Variants in RAB3C observed in about 807,000 individuals in gnomAD.
RAB3C encodes ras-related protein Rab-3C.
RAB3C carries 17 observed loss-of-function variants against 26.4 expected under a neutral mutation model. The ratio of observed to expected loss-of-function variants is 0.64; its 90% CI spans 0.44 to 0.97. The LOEUF (loss-of-function observed/expected upper bound fraction) is 0.97, where lower values mean the gene tolerates loss of function less well. Among genes scored for constraint, RAB3C ranks in the 50% least tolerant of loss-of-function variants. The pLI is 0.00. For missense variants in RAB3C, 242 were observed against 281.9 expected (o/e 0.86, Z 1.01); for synonymous variants, 91 against 95.9 (o/e 0.95, Z 0.30).
At chr5:58,792,771 G>T (rs1347317312) in intron 3 of RAB3C, among the ~76,000 whole-genome samples, 1 of 150,936 alleles carries the variant, frequency 6.6e-6, no homozygotes, top group East Asian at 1.9e-4. Flanking sequence ...ACTGAACTTT[G>T]TGTGTGTGTG....
At chr5:58,692,775 C>T (rs1309081561) in intron 2 of RAB3C, among the ~76,000 whole-genome samples, 1 of 152,002 alleles carries the variant, frequency 6.6e-6, no homozygotes, top group Non-Finnish European at 1.5e-5. Context: ...GTTGTAAGTC[C>T]TTGGCACCTA....
intron 2 of RAB3C, among the ~76,000 whole-genome samples, chr5:58,719,952 A>G (rs1740707552): frequency 6.6e-6 from 1 of 151,890 alleles, no homozygotes; most frequent in Admixed American, 6.6e-5. Context: ...GGAAGACCTC[A>G]TTTAATTTGG....
chr5:58,641,279 C>T, intron 2 of RAB3C, among the ~76,000 whole-genome samples: 1 of 152,194 alleles, frequency 6.6e-6, no homozygotes, highest in Non-Finnish European at 1.5e-5. Context: ...GCTGTTTTCA[C>T]TGTGTACCGT....
chr5:58,706,213 TTGAGAAC>T (rs1372445677), intron 2 of RAB3C, among the ~76,000 whole-genome samples: 1 of 152,152 alleles, frequency 6.6e-6, no homozygotes, highest in Non-Finnish European at 1.5e-5. Context: ...ATCCCACTAA[TTGAGAAC>T]TGAGATCCAT....
chr5:58,677,049 A>G (rs1024710537), intron 2 of RAB3C, among the ~76,000 whole-genome samples: 1 of 152,148 alleles, frequency 6.6e-6, no homozygotes, highest in Admixed American at 6.5e-5. Context: ...TTAAGCCTCT[A>G]GGGAAGGATC....
At chr5:58,680,559 T>G (rs1748324317) in intron 2 of RAB3C, among the ~76,000 whole-genome samples, 2 of 152,234 alleles carry the variant, frequency 1.3e-5, no homozygotes, top group Admixed American at 1.3e-4. Flanking sequence ...ATCTTATAGT[T>G]CTGAAGTTAG....
chr5:58,738,195 C>T (rs1741194526), intron 3 of RAB3C, among the ~76,000 whole-genome samples: 1 of 152,090 alleles, frequency 6.6e-6, no homozygotes, highest in African/African-American at 2.4e-5. Context: ...CTCATACCTT[C>T]ATTTGCTGCA....
chr5:58,790,013 C>G (rs1432824203), intron 3 of RAB3C, among the ~76,000 whole-genome samples: 1 of 152,168 alleles, frequency 6.6e-6, no homozygotes, highest in Non-Finnish European at 1.5e-5. Context: ...TAAAAGCTCC[C>G]CAGGTGATCC....
At chr5:58,678,383 C>T (rs1748273188) in intron 2 of RAB3C, among the ~76,000 whole-genome samples, 1 of 152,006 alleles carries the variant, frequency 6.6e-6, no homozygotes, top group African/African-American at 2.4e-5. Flanking sequence ...AGAGTGATTA[C>T]AGATAGTAAT....
At chr5:58,590,883 AT>A in intron 1 of RAB3C, among the ~76,000 whole-genome samples, 1 of 152,300 alleles carries the variant, frequency 6.6e-6, no homozygotes, top group South Asian at 2.1e-4. Context: ...GCTAATAAAT[AT>A]AAGCACTAGA....
intron 4 of RAB3C, among the ~76,000 whole-genome samples, chr5:58,828,476 C>CCT (rs1429085299): frequency 6.6e-6 from 1 of 152,150 alleles, no homozygotes; most frequent in Non-Finnish European, 1.5e-5. Flanking sequence ...GTCCACCACT[C>CCT]CTCTCTCTCT....
At chr5:58,844,801 T>C (rs1207599366) in intron 4 of RAB3C, among the ~76,000 whole-genome samples, 1 of 152,072 alleles carries the variant, frequency 6.6e-6, no homozygotes, top group East Asian at 1.9e-4. Flanking sequence ...ATTTCCTCTC[T>C]ACAGAAAAAA....
chr5:58,666,872 C>T (rs970186323), intron 2 of RAB3C, among the ~76,000 whole-genome samples: 2 of 152,188 alleles, frequency 1.3e-5, no homozygotes, highest in Non-Finnish European at 2.9e-5. Flanking sequence ...AATATGAAAA[C>T]AGCAGTGAGG....
At chr5:58,698,705 C>T (rs1748772435) in intron 2 of RAB3C, among the ~76,000 whole-genome samples, 1 of 152,182 alleles carries the variant, frequency 6.6e-6, no homozygotes, top group Non-Finnish European at 1.5e-5. Flanking sequence ...CTTTCTTCCA[C>T]TTGATCAAGT....
intron 2 of RAB3C, among the ~76,000 whole-genome samples, chr5:58,626,617 T>G (rs1260175791): frequency 6.6e-6 from 1 of 152,198 alleles, no homozygotes; most frequent in Non-Finnish European, 1.5e-5. Context: ...GCCAGTGTTT[T>G]CATCTGTAAA....
At chr5:58,710,530 C>T (rs906571454) in intron 2 of RAB3C, among the ~76,000 whole-genome samples, 3 of 151,350 alleles carry the variant, frequency 2.0e-5, no homozygotes, top group African/African-American at 2.4e-5. Flanking sequence ...GTCTGGGAGG[C>T]GGAGGTTGCA....
At chr5:58,694,564 T>C (rs1460429642) in intron 2 of RAB3C, among the ~76,000 whole-genome samples, 1 of 152,332 alleles carries the variant, frequency 6.6e-6, no homozygotes, top group South Asian at 2.1e-4. Flanking sequence ...TGCAAAAGTG[T>C]TCCTATTTCT....
chr5:58,643,410 T>G (rs1747452009), intron 2 of RAB3C, among the ~76,000 whole-genome samples: 1 of 152,256 alleles, frequency 6.6e-6, no homozygotes, highest in African/African-American at 2.4e-5. Flanking sequence ...GCTATTCTGA[T>G]TCTGGTGACA....
intron 3 of RAB3C, among the ~76,000 whole-genome samples, chr5:58,744,939 G>A (rs1741362362): frequency 6.6e-6 from 1 of 152,060 alleles, no homozygotes; most frequent in African/African-American, 2.4e-5. Context: ...GACACGTAGT[G>A]CCCTGGTCAC....
Sources: gnomAD v4.1 joint callset for allele counts (sites outside exome capture counted in the v4.1 genomes callset) on GRCh38, gnomAD v4.1.1 for gene constraint, MANE v1.5 for transcripts, NCBI Gene and HGNC (gene_info 2026-07-23, HGNC 2026-07-21) for gene names.